Variants in FOXN3 observed in about 807,000 individuals in gnomAD.
The protein encoded by FOXN3 is forkhead box protein N3.
Under a neutral mutation model 38.4 loss-of-function variants are expected in FOXN3, and 7 were observed. The observed-to-expected ratio is 0.18, with a 90% confidence interval of 0.10 to 0.34. The LOEUF is 0.34. Among genes scored for constraint, FOXN3 ranks in the 10% least tolerant of loss-of-function variants. The pLI, the probability that FOXN3 is intolerant of heterozygous loss-of-function variation, is 1.00. For synonymous variants in FOXN3, 230 were observed against 242.2 expected (o/e 0.95, Z 0.47); for missense variants, 456 against 613.4 (o/e 0.74, Z 2.71).
chr14:89,488,117 C>G (rs957989083), intron 1 of FOXN3, among the ~76,000 whole-genome samples: 7 of 148,214 alleles, frequency 4.7e-5, no homozygotes, highest in Non-Finnish European at 8.9e-5. Flanking sequence ...GACAGAGTCT[C>G]TATTGCCCAG....
chr14:89,334,743 C>A (rs1293806091), intron 3 of FOXN3, among the ~76,000 whole-genome samples: 1 of 151,580 alleles, frequency 6.6e-6, no homozygotes, highest in African/African-American at 2.4e-5. Flanking sequence ...TTGTTTTGTT[C>A]TTTGTTTGTT....
chr14:89,183,470 C>CGA (rs1555409045), intron 4 of FOXN3, among the ~76,000 whole-genome samples: 3 of 151,480 alleles, frequency 2.0e-5, no homozygotes, highest in Non-Finnish European at 4.4e-5. Flanking sequence ...GGAGATAGAG[C>CGA]GAGAGAGAGA....
chr14:89,254,437 G>A (rs879478017), intron 4 of FOXN3, among the ~76,000 whole-genome samples: 2 of 152,156 alleles, frequency 1.3e-5, no homozygotes, highest in Admixed American at 6.5e-5. Context: ...GGAAAGGAGC[G>A]AGTGGTCAGA....
At chr14:89,375,647 A>C (rs1311404068) in intron 2 of FOXN3, among the ~76,000 whole-genome samples, 1 of 152,250 alleles carries the variant, frequency 6.6e-6, no homozygotes, top group Non-Finnish European at 1.5e-5. Flanking sequence ...ACAAAATCAA[A>C]GATTGCTAAG....
At chr14:89,337,012 C>A (rs951134161) in intron 3 of FOXN3, among the ~76,000 whole-genome samples, 3 of 152,010 alleles carry the variant, frequency 2.0e-5, no homozygotes, top group African/African-American at 7.3e-5. Context: ...TTGGAGTCAC[C>A]GTATGTCCAA....
At chr14:89,220,739 C>T (rs1442673128) in intron 4 of FOXN3, among the ~76,000 whole-genome samples, 1 of 152,096 alleles carries the variant, frequency 6.6e-6, no homozygotes, top group Non-Finnish European at 1.5e-5. Flanking sequence ...CATCAGTACT[C>T]CTATCAGACG....
At chr14:89,388,953 G>C (rs890444355) in intron 2 of FOXN3, among the ~76,000 whole-genome samples, 2 of 151,976 alleles carry the variant, frequency 1.3e-5, no homozygotes, top group Non-Finnish European at 2.9e-5. Flanking sequence ...AACCAAAGTC[G>C]GGTGATCCAG....
chr14:89,433,981 A>G (rs1293262009), intron 1 of FOXN3, among the ~76,000 whole-genome samples: 1 of 145,814 alleles, frequency 6.9e-6, no homozygotes, highest in Non-Finnish European at 1.5e-5. Flanking sequence ...CTGGAGTGCA[A>G]TGGCCCCATC....
chr14:89,374,448 C>T (rs1462947622), intron 2 of FOXN3, among the ~76,000 whole-genome samples: 1 of 152,104 alleles, frequency 6.6e-6, no homozygotes, highest in Non-Finnish European at 1.5e-5. Context: ...AACGAGCTCA[C>T]ATATCCACAT....
At chr14:89,469,449 C>T (rs1255847961) in intron 1 of FOXN3, among the ~76,000 whole-genome samples, 1 of 152,240 alleles carries the variant, frequency 6.6e-6, no homozygotes, top group Non-Finnish European at 1.5e-5. Flanking sequence ...TAAGGAAAGC[C>T]TTGTCTCCAC....
At chr14:89,466,069 G>T (rs529728578) in intron 1 of FOXN3, among the ~76,000 whole-genome samples, 1 of 152,198 alleles carries the variant, frequency 6.6e-6, no homozygotes, top group East Asian at 1.9e-4. Context: ...TGAGCAGGTG[G>T]GTAGGGAGGA....
chr14:89,299,395 T>C (rs1887148867), intron 3 of FOXN3, among the ~76,000 whole-genome samples: 1 of 152,236 alleles, frequency 6.6e-6, no homozygotes, highest in Non-Finnish European at 1.5e-5. Context: ...GTGAGTCCAT[T>C]AAACCTCTTT....
rs1462233255 is a variant in FOXN3, at chr14:89,160,054, T to A, written c.*2360A>T. On this transcript the variant is annotated 3_prime_UTR_variant, in exon 6 of 6. Coordinates refer to ENST00000557258, the MANE Select transcript of FOXN3 (RefSeq NM_005197.4). ...CTCGTCCTGGCAGATGGGCTTGGCT[T>A]TGGCCCACAGCAGTCCCTTTTTTAA... The A allele has an allele frequency of 2.0e-5, 3 of 152,226 alleles. No homozygotes were observed. Among genetic ancestry groups the A allele is most frequent in the African/African-American group, 7.2e-5 (3 of 41,406 alleles). 9.4% of individuals were successfully genotyped at this position (152,226 alleles called of 1,614,324 possible). A position where few individuals can be genotyped will look rare whatever the true frequency, so the allele number is the denominator to read the frequency against.
chr14:89,325,498 CAAGAGT>C lies in FOXN3; in HGVS notation c.680+25168_680+25173del, dbSNP rs140228052. On this transcript the variant is annotated intron_variant, in intron 3 of 5. Coordinates refer to ENST00000557258, the MANE Select transcript of FOXN3 (RefSeq NM_005197.4). The stretch of plus-strand genomic sequence containing the variant: ...CTTTCTTCTTCTTCCCTATCTCATG[CAAGAGT>C]AAGAGGTGAAACAGTTCTAAATGGA... Among the ~76,000 whole-genome samples the C allele has an allele frequency of 1.3e-3, 201 of 152,272 alleles. 1 individual carries two copies. Among genetic ancestry groups the C allele is most frequent in the African/African-American group, 4.5e-3 (187 of 41,554 alleles).
chr14:89,427,467 G>A (rs989121997), intron 1 of FOXN3, among the ~76,000 whole-genome samples: 5 of 146,948 alleles, frequency 3.4e-5, no homozygotes, highest in Admixed American at 6.8e-5. Flanking sequence ...CACTGCGCCC[G>A]GCTGATTTTT....
intron 4 of FOXN3, among the ~76,000 whole-genome samples, chr14:89,245,023 T>C (rs1195708093): frequency 6.6e-6 from 1 of 152,206 alleles, no homozygotes. Context: ...ATACATACTG[T>C]CAGGTGGATG....
At chr14:89,281,555 TA>T (rs1263476220) in intron 3 of FOXN3, among the ~76,000 whole-genome samples, 13 of 152,302 alleles carry the variant, frequency 8.5e-5, no homozygotes, top group Middle Eastern at 3.4e-3. Flanking sequence ...TTTTTTGGCT[TA>T]AAATGTTGCA....
chr14:89,388,092 G>A (rs944149073), intron 2 of FOXN3, among the ~76,000 whole-genome samples: 2 of 152,230 alleles, frequency 1.3e-5, no homozygotes, highest in African/African-American at 2.4e-5. Context: ...GCTGAGGCAG[G>A]AGAATCGCTT....
chr14:89,316,214 G>A (rs973919915), intron 3 of FOXN3, among the ~76,000 whole-genome samples: 5 of 152,098 alleles, frequency 3.3e-5, no homozygotes, highest in Admixed American at 1.3e-4. Flanking sequence ...GCTTGGAATC[G>A]CTTCCTGAAG....
Sources: allele counts gnomAD v4.1 joint callset (sites outside exome capture counted in the v4.1 genomes callset), GRCh38; gene constraint gnomAD v4.1.1; transcripts MANE v1.5; gene names NCBI Gene and HGNC (gene_info 2026-07-23, HGNC 2026-07-21).